The following SLC4A10 variants were observed in gnomAD, a reference collection of about 807,000 sequenced individuals.
The protein encoded by SLC4A10 is solute carrier family 4 member 10, also known as sodium-driven chloride bicarbonate exchanger.
A neutral mutation model predicts 137.7 loss-of-function variants in SLC4A10; 42 were observed. The ratio of observed to expected loss-of-function variants is 0.30; its 90% CI spans 0.24 to 0.39. The LOEUF (loss-of-function observed/expected upper bound fraction) is 0.39. Ranked by LOEUF, SLC4A10 falls within the 10% of genes least tolerant of loss-of-function variation. SLC4A10 has a pLI of 1.00. For missense variants in SLC4A10, 925 were observed against 1,355.0 expected, an observed-to-expected ratio of 0.68 and a Z score of 4.98; for synonymous variants, 474 against 464.1, an observed-to-expected ratio of 1.02 and a Z score of -0.27.
intron 15 of SLC4A10, among the ~76,000 whole-genome samples, chr2:161,933,518 G>A (rs1240103723): frequency 1.3e-5 from 2 of 151,866 alleles, no homozygotes; most frequent in African/African-American, 2.4e-5. Flanking sequence ...TCAGCCTCCC[G>A]AGTAACTAGG....
rs561804250 is a variant in SLC4A10, at chr2:161,887,679, A to C, written c.1194+5235A>C. Among the ~76,000 whole-genome samples the C allele has an allele frequency of 1.8e-4, 28 of 152,146 alleles. No homozygotes were observed. The South Asian group carries it at 5.2e-3, about 28-fold the overall frequency. ...TGTTTTTTTCTTGTAAATTTGTTGA[A>C]GTTCCTTGTAGATTCTGGACATGAG... On this transcript the variant is annotated intron_variant, in intron 10 of 26. Transcript: ENST00000446997.
chr2:161,861,307 G>A (rs908807674), intron 5 of SLC4A10, among the ~76,000 whole-genome samples: 3 of 152,208 alleles, frequency 2.0e-5, no homozygotes, highest in East Asian at 3.9e-4. Flanking sequence ...ACTCATCTAA[G>A]AGAAAGTCAC....
At chr2:161,666,296 T>G (rs1180760596) in intron 1 of SLC4A10, among the ~76,000 whole-genome samples, 1 of 151,704 alleles carries the variant, frequency 6.6e-6, no homozygotes, top group African/African-American at 2.4e-5. Flanking sequence ...AATGATACTC[T>G]TTGTTAGAGT....
At chr2:161,665,249 A>T (rs2038912591) in intron 1 of SLC4A10, among the ~76,000 whole-genome samples, 2 of 151,804 alleles carry the variant, frequency 1.3e-5, no homozygotes, top group South Asian at 4.1e-4. Context: ...TACTTCATTC[A>T]GTTCCTTGCG....
In SLC4A10 at chr2:161,947,617, C is replaced by T. The variant is rs1169042017; in HGVS notation, c.2155C>T (p.His719Tyr). 7 of 1,613,198 alleles carry T rather than the reference C, an allele frequency of 4.3e-6. No individual in the cohort carries two copies. The highest frequency in any genetic ancestry group is 5.9e-6 in the Non-Finnish European group (7 of 1,179,380). ...TGTTGGACGGGCCTGTGGCCATGAT[C>T]ACCCATATGTTCCAGATGTTCTATT... ...EYVGRACGHD[H>Y]PYVPDVLFWS... Residue 719 changes from histidine (H) to tyrosine (Y), a missense_variant, in exon 17 of 27, where the codon CAC becomes TAC. By Grantham distance (83) the His-to-Tyr change is moderately conservative. Transcript: ENST00000446997.
chr2:161,694,065 C>A (rs1260107950), intron 1 of SLC4A10, among the ~76,000 whole-genome samples: 1 of 151,972 alleles, frequency 6.6e-6, no homozygotes, highest in Non-Finnish European at 1.5e-5. Flanking sequence ...CAGATTACAG[C>A]CCCTTTTCTT....
Position 161,926,579 on chromosome 2 carries a change from G to A in SLC4A10, c.1998-16213G>A, listed in dbSNP as rs894056444. ...TTACCTTTAAGGTTAATATTGTTAT[G>A]TGTGAATTTGATCCTGTCATTATGA... On this transcript the variant is annotated intron_variant, in intron 15 of 26. Coordinates refer to ENST00000446997, the MANE Select transcript of SLC4A10 (RefSeq NM_001178015.2). Among the ~76,000 whole-genome samples, 41 of 146,452 alleles carry A rather than the reference G, an allele frequency of 2.8e-4. 1 individual carries two copies. Among genetic ancestry groups the A allele is most frequent in the Non-Finnish European group, 5.3e-4 (35 of 66,222 alleles).
chr2:161,682,694 A>G (rs1248548071), intron 1 of SLC4A10, among the ~76,000 whole-genome samples: 2 of 151,592 alleles, frequency 1.3e-5, no homozygotes, highest in Non-Finnish European at 2.9e-5. Context: ...GTTATCTGGA[A>G]TAGGGTGGGG....
intron 2 of SLC4A10, among the ~76,000 whole-genome samples, chr2:161,776,687 G>T (rs2052379532): frequency 6.6e-6 from 1 of 151,832 alleles, no homozygotes; most frequent in South Asian, 2.1e-4. Flanking sequence ...GATCTTGTTT[G>T]CAATTCTTTT....
chr2:161,756,952 A>G (rs1291741822), intron 1 of SLC4A10, among the ~76,000 whole-genome samples: 8 of 152,190 alleles, frequency 5.3e-5, no homozygotes, highest in Non-Finnish European at 8.8e-5. Flanking sequence ...AATGTTATTT[A>G]TGTGGCATGT....
At chr2:161,739,622 C>A (rs564075486) in intron 1 of SLC4A10, among the ~76,000 whole-genome samples, 2 of 152,258 alleles carry the variant, frequency 1.3e-5, no homozygotes, top group East Asian at 3.9e-4. Context: ...ATTTTTAGCA[C>A]CCCCATACTT....
At chr2:161,829,176 A>G (rs2058257546) in intron 3 of SLC4A10, among the ~76,000 whole-genome samples, 1 of 152,084 alleles carries the variant, frequency 6.6e-6, no homozygotes, top group Non-Finnish European at 1.5e-5. Context: ...AGCACTAAGC[A>G]CCAGACATGT....
chr2:161,827,336 C>T (rs536407707), intron 3 of SLC4A10, among the ~76,000 whole-genome samples: 10 of 152,322 alleles, frequency 6.6e-5, no homozygotes, highest in Admixed American at 6.5e-4. Flanking sequence ...TTATGACCTT[C>T]TTCATATGAT....
chr2:161,936,677 A>G (rs1215730376), intron 15 of SLC4A10, among the ~76,000 whole-genome samples: 1 of 151,280 alleles, frequency 6.6e-6, no homozygotes, highest in Admixed American at 6.6e-5. Context: ...TCTTTCCTTT[A>G]TTCTTGGTCT....
chr2:161,949,337 C>A, intron 18 of SLC4A10, 76 bp downstream of exon 18: 1 of 910,292 alleles, frequency 1.1e-6, no homozygotes, highest in Non-Finnish European at 1.7e-6. Flanking sequence ...AACTCTAGTA[C>A]TTAGGATTTT....
At chr2:161,903,025 T>G (rs2105319836) in intron 12 of SLC4A10, among the ~76,000 whole-genome samples, 1 of 152,264 alleles carries the variant, frequency 6.6e-6, no homozygotes, top group Admixed American at 6.5e-5. Flanking sequence ...TATCACATCA[T>G]TATTCCATGG....
At chr2:161,963,056 C>G (rs78475569) in intron 21 of SLC4A10, among the ~76,000 whole-genome samples, 1 of 151,898 alleles carries the variant, frequency 6.6e-6, no homozygotes, top group Non-Finnish European at 1.5e-5. Context: ...TCTAAATAAT[C>G]GCCTCTAGTT....
chr2:161,869,382 A>G (rs1204728364), intron 6 of SLC4A10, among the ~76,000 whole-genome samples: 1 of 151,702 alleles, frequency 6.6e-6, no homozygotes, highest in South Asian at 2.1e-4. Flanking sequence ...ATTGGCATAA[A>G]CTAAATAATT....
intron 15 of SLC4A10, among the ~76,000 whole-genome samples, chr2:161,909,602 A>C (rs1685338149): frequency 6.6e-6 from 1 of 152,186 alleles, no homozygotes; most frequent in Non-Finnish European, 1.5e-5. Flanking sequence ...TCTTCACTCC[A>C]GTTGTTAAGC....
Sources: gnomAD v4.1 joint callset for allele counts (sites outside exome capture counted in the v4.1 genomes callset) on GRCh38, gnomAD v4.1.1 for gene constraint, MANE v1.5 for transcripts, NCBI Gene and HGNC (gene_info 2026-07-23, HGNC 2026-07-21) for gene names.